TEC: variants seen among roughly 807,000 people sequenced by gnomAD.
The protein encoded by TEC is tyrosine-protein kinase Tec.
In TEC, 72 loss-of-function variants were observed where a neutral mutation model predicts 93.0. The ratio of observed to expected loss-of-function variants is 0.77; its 90% CI spans 0.64 to 0.94. TEC has a LOEUF of 0.94. TEC is among the 40% of genes least tolerant of loss of function. The pLI is 0.00. For synonymous variants in TEC, 249 were observed against 247.7 expected (o/e 1.01, Z -0.05); for missense variants, 630 against 757.9 (o/e 0.83, Z 1.98).
At chr4:48,171,347 T>A (rs1209892775) in intron 4 of TEC, 21 bp downstream of exon 4, 1 of 1,592,804 alleles carries the variant, frequency 6.3e-7, no homozygotes, top group Admixed American at 1.7e-5. Context: ...ATATACAGAG[T>A]AATATTTCAT....
chr4:48,253,803 G>A (rs974022375), intron 1 of TEC, among the ~76,000 whole-genome samples: 3 of 151,836 alleles, frequency 2.0e-5, no homozygotes, highest in African/African-American at 7.3e-5. Context: ...TTGAACTCCC[G>A]ACCTCAGGTG....
At chr4:48,226,841 T>C (rs367701402) in intron 2 of TEC, among the ~76,000 whole-genome samples, 5 of 152,332 alleles carry the variant, frequency 3.3e-5, no homozygotes, top group African/African-American at 9.6e-5. Flanking sequence ...CAAAAATGTG[T>C]AAATGTTTCC....
At chr4:48,225,283 T>G (rs1371901248) in intron 2 of TEC, among the ~76,000 whole-genome samples, 1 of 152,106 alleles carries the variant, frequency 6.6e-6, no homozygotes, top group Non-Finnish European at 1.5e-5. Flanking sequence ...CAAGCAATTC[T>G]CTTGCCTCAG....
intron 2 of TEC, among the ~76,000 whole-genome samples, chr4:48,184,446 C>T (rs927872861): frequency 2.0e-5 from 3 of 152,148 alleles, no homozygotes; most frequent in South Asian, 2.1e-4. Context: ...ATTAACATTA[C>T]TTGGATGTGA....
At chr4:48,252,737 A>C (rs1224303426) in intron 1 of TEC, among the ~76,000 whole-genome samples, 1 of 152,208 alleles carries the variant, frequency 6.6e-6, no homozygotes, top group African/African-American at 2.4e-5. Flanking sequence ...GGCTTCCCAA[A>C]TCATGTTCCT....
intron 2 of TEC, among the ~76,000 whole-genome samples, chr4:48,189,820 G>A (rs1485963986): frequency 5.9e-5 from 9 of 152,166 alleles, no homozygotes; most frequent in Admixed American, 5.9e-4. Context: ...TATGGTTTAC[G>A]CATATCAACT....
chr4:48,220,280 C>A (rs1417142010), intron 2 of TEC, among the ~76,000 whole-genome samples: 2 of 151,720 alleles, frequency 1.3e-5, no homozygotes, highest in African/African-American at 4.8e-5. Context: ...GGATATGAAC[C>A]CTGCCCTCAA....
chr4:48,250,675 T>C (rs976455289), intron 1 of TEC, among the ~76,000 whole-genome samples: 2 of 152,172 alleles, frequency 1.3e-5, no homozygotes, highest in Admixed American at 1.3e-4. Flanking sequence ...GCAGAGTTGA[T>C]CCAAACATCT....
intron 6 of TEC, among the ~76,000 whole-genome samples, chr4:48,168,186 T>C (rs1390628156): frequency 3.3e-5 from 5 of 152,188 alleles, no homozygotes; most frequent in Admixed American, 1.3e-4. Context: ...AAGTCTTGAA[T>C]GAGTCCAAAG....
At chr4:48,214,060 C>T (rs1003822214) in intron 2 of TEC, among the ~76,000 whole-genome samples, 5 of 152,044 alleles carry the variant, frequency 3.3e-5, no homozygotes, top group Admixed American at 6.5e-5. Flanking sequence ...GATCTTTTTG[C>T]TTACTTTAAA....
chr4:48,181,563 C>T (rs1453758741), intron 2 of TEC, among the ~76,000 whole-genome samples: 2 of 124,938 alleles, frequency 1.6e-5, no homozygotes, highest in Middle Eastern at 6.8e-3. Context: ...GTCCCAGCTA[C>T]CTGGGAGGCT....
intron 1 of TEC, among the ~76,000 whole-genome samples, chr4:48,237,801 T>A (rs1723826410): frequency 6.6e-6 from 1 of 152,202 alleles, no homozygotes; most frequent in Admixed American, 6.5e-5. Flanking sequence ...TTATTTCACA[T>A]CTCATCACAG....
intron 1 of TEC, among the ~76,000 whole-genome samples, chr4:48,263,607 G>A (rs564770341): frequency 2.9e-4 from 44 of 152,142 alleles, no homozygotes; most frequent in South Asian, 6.2e-4. Context: ...CCAGCTACTC[G>A]GGAGGCTGAC....
At chr4:48,165,888 T>C (rs989634758) in intron 7 of TEC, among the ~76,000 whole-genome samples, 1 of 152,184 alleles carries the variant, frequency 6.6e-6, no homozygotes, top group African/African-American at 2.4e-5. Context: ...ACATAATTGG[T>C]TCCATCCTTA....
intron 2 of TEC, among the ~76,000 whole-genome samples, chr4:48,225,166 TTC>T (rs1723403612): frequency 6.6e-6 from 1 of 152,102 alleles, no homozygotes; most frequent in African/African-American, 2.4e-5. Context: ...CATCCTTTTT[TTC>T]TCTTTCTTTT....
chr4:48,197,900 G>T (rs1027086261), intron 2 of TEC, among the ~76,000 whole-genome samples: 1 of 152,136 alleles, frequency 6.6e-6, no homozygotes, highest in Admixed American at 6.5e-5. Flanking sequence ...CCACTTTATC[G>T]AAGCTTCCCT....
chr4:48,163,877 A>C, intron 7 of TEC, 110 bp from the exon 8 acceptor site: 1 of 556,914 alleles, frequency 1.8e-6, no homozygotes, highest in Non-Finnish European at 3.0e-6. Flanking sequence ...AAAGCTTATT[A>C]TAAGAAAGAC....
chr4:48,144,989 A>G, intron 14 of TEC, 90 bp downstream of exon 14: 1 of 1,127,372 alleles, frequency 8.9e-7, no homozygotes, highest in Non-Finnish European at 1.3e-6. Flanking sequence ...AAGAACAAAA[A>G]TTGGCTATTA....
intron 2 of TEC, among the ~76,000 whole-genome samples, chr4:48,191,258 ATTTGG>A (rs1722084719): frequency 6.6e-6 from 1 of 152,148 alleles, no homozygotes; most frequent in African/African-American, 2.4e-5. Flanking sequence ...ACTGTCAGTT[ATTTGG>A]TTTGTTTTTG....
Sources: allele counts gnomAD v4.1 joint callset (sites outside exome capture counted in the v4.1 genomes callset), GRCh38; gene constraint gnomAD v4.1.1; transcripts MANE v1.5; gene names NCBI Gene and HGNC (gene_info 2026-07-23, HGNC 2026-07-21).